The following KDM8 variants were observed in gnomAD, a reference collection of about 807,000 sequenced individuals.
KDM8 encodes the protein lysine demethylase 8.
Under a neutral mutation model 46.9 loss-of-function variants are expected in KDM8, and 35 were observed. That is an observed-to-expected ratio of 0.75 (90% confidence interval 0.57 to 0.99). The LOEUF (loss-of-function observed/expected upper bound fraction) is 0.99, where lower values mean the gene tolerates loss of function less well. Among genes scored for constraint, KDM8 ranks in the 50% least tolerant of loss-of-function variants. The pLI is 0.00. For synonymous variants in KDM8, 232 were observed against 227.7 expected, an observed-to-expected ratio of 1.02 and a Z score of -0.17; for missense variants, 475 against 537.0, an observed-to-expected ratio of 0.88 and a Z score of 1.14.
At chr16:27,217,261 A>G (rs2083565741) in intron 5 of KDM8, among the ~76,000 whole-genome samples, 1 of 151,924 alleles carries the variant, frequency 6.6e-6, no homozygotes, top group Non-Finnish European at 1.5e-5. Flanking sequence ...TCTCCCAGGG[A>G]CCCCGTGTTC....
At chr16:27,208,754 A>G (rs1251817230) in intron 1 of KDM8, among the ~76,000 whole-genome samples, 1 of 152,226 alleles carries the variant, frequency 6.6e-6, no homozygotes, top group African/African-American at 2.4e-5. Context: ...GGCCTAGTGG[A>G]TAAGTCCATG....
intron 6 of KDM8, among the ~76,000 whole-genome samples, chr16:27,220,154 G>A (rs1271701021): frequency 2.0e-5 from 3 of 152,156 alleles, no homozygotes; most frequent in East Asian, 1.9e-4. Context: ...CCAGGAGGTC[G>A]AGACTGCAGT....
At chr16:27,214,823 C>T in intron 3 of KDM8, 53 bp from the exon 4 acceptor site, 1 of 1,605,998 alleles carries the variant, frequency 6.2e-7, no homozygotes, top group East Asian at 2.2e-5. Flanking sequence ...ACACTTAGTA[C>T]TATGCCCAAC....
intron 1 of KDM8, among the ~76,000 whole-genome samples, chr16:27,204,608 T>C (rs2083409917): frequency 6.6e-6 from 1 of 152,222 alleles, no homozygotes; most frequent in Non-Finnish European, 1.5e-5. Context: ...ATGACCAGCA[T>C]GGTGCTTGCA....
chr16:27,221,426 G>A lies in KDM8; in HGVS notation c.*696G>A, dbSNP rs1473235442. On this transcript the variant is annotated 3_prime_UTR_variant, in exon 8 of 8. Transcript: ENST00000286096. ...AGTGGGAGCTTTCTGTCATCCCCAT[G>A]GCTCAAGGATAACCTACCTGCCTGC... is the stretch of plus-strand genomic sequence containing the variant. 6.3e-6 allele frequency: 1 copy of A among 157,980 alleles called. No individual in the cohort carries two copies. The highest frequency in any genetic ancestry group is 1.4e-5 in the Non-Finnish European group (1 of 71,252). 9.8% of individuals were successfully genotyped at this position (157,980 alleles called of 1,614,324 possible). A position where few individuals can be genotyped will look rare whatever the true frequency, so the allele number is the denominator to read the frequency against.
intron 1 of KDM8, chr16:27,204,069 C>T (rs771067806): frequency 6.5e-7 from 1 of 1,545,614 alleles, no homozygotes; most frequent in East Asian, 2.5e-5. Flanking sequence ...AGGCTGGAAA[C>T]GATTCCGCCG....
chr16:27,219,091 A>G lies in KDM8; in HGVS notation c.974A>G (p.Gln325Arg), dbSNP rs2083588312. The G allele has an allele frequency of 2.5e-6, 4 of 1,612,266 alleles. No homozygotes were observed. In the East Asian group the frequency reaches 6.7e-5, roughly 27 times the overall value. ...GTISPLHQDP[Q>R]QNFLVQVMGR... ...ATCTCCCCACTACATCAGGATCCCC[A>G]GCAAAACTTCCTAGTGCAGGTTGGA... The change falls in exon 6 of 8, where the codon CAG (glutamine) becomes CGG (arginine). Residue 325 changes from glutamine (Q) to arginine (R), a missense_variant. Physicochemically the swap from Gln to Arg is conservative, Grantham distance 43. Coordinates refer to ENST00000286096, the MANE Select transcript of KDM8 (RefSeq NM_024773.3).
intron 1 of KDM8, chr16:27,204,080 T>C: frequency 6.5e-7 from 1 of 1,547,602 alleles, no homozygotes; most frequent in Non-Finnish European, 8.7e-7. Flanking sequence ...GATTCCGCCG[T>C]CAGGTCCCAA....
chr16:27,210,183 G>A lies in KDM8; in HGVS notation c.60G>A (p.Glu20=), dbSNP rs2083467317. 6.2e-7 allele frequency: 1 copy of A among 1,613,444 alleles called. No homozygotes were observed. The highest frequency in any genetic ancestry group is 8.5e-7 in the Non-Finnish European group (1 of 1,180,032). The change falls in exon 2 of 8, where the codon GAG becomes GAA. Residue 20 remains glutamate, a synonymous_variant. Transcript: ENST00000286096. ...TGGCCAGAGAAGGCACTTTATGGGA[G>A]GCCCTCAGGGCGCTCCTGCCGCACA... ...EPLAREGTLW[E]ALRALLPHSK...
At chr16:27,210,758 T>C in intron 2 of KDM8, 137 bp downstream of exon 2, 1 of 880,792 alleles carries the variant, frequency 1.1e-6, no homozygotes, top group Non-Finnish European at 1.6e-6. Context: ...TTGCCATTGA[T>C]TTTGGATTTC....
chr16:27,204,527 T>A, intron 1 of KDM8: 1 of 244,966 alleles, frequency 4.1e-6, no homozygotes, highest in Non-Finnish European at 7.4e-6. Flanking sequence ...ATTAGAGAAC[T>A]GGACCGCCTG....
Position 27,221,040 on chromosome 16 carries a change from G to C in KDM8, c.*310G>C, listed in dbSNP as rs1022004455. The C allele has an allele frequency of 2.4e-6, 1 of 421,390 alleles. No homozygotes were observed. Among genetic ancestry groups the C allele is most frequent in the South Asian group, 2.1e-5 (1 of 48,504 alleles). The allele number at this position is 421,390 out of a possible 1,614,324, so 26.1% of individuals were successfully genotyped here. A position where few individuals can be genotyped will look rare whatever the true frequency, so the allele number is the denominator to read the frequency against. On this transcript the variant is annotated 3_prime_UTR_variant, in exon 8 of 8. Transcript: ENST00000286096. ...AGAAAGCCGAATGTTTTTGGGAAAC[G>C]GGTGGGTCACACAGGCAGGGGTGAA...
chr16:27,204,266 T>C, intron 1 of KDM8: 1 of 1,402,854 alleles, frequency 7.1e-7, no homozygotes, highest in African/African-American at 1.5e-5. Flanking sequence ...CATCGGTGCG[T>C]TTCCCGGCAA....
chr16:27,205,869 C>A (rs2083423979), intron 1 of KDM8, among the ~76,000 whole-genome samples: 1 of 152,166 alleles, frequency 6.6e-6, no homozygotes, highest in Admixed American at 6.5e-5. Flanking sequence ...CTTCTGTGAT[C>A]AACAAGAGGT....
rs375211992 is a variant in KDM8 at position 27,220,765 on chromosome 16, C to T, written c.*35C>T. 3 of 1,608,746 alleles carry T rather than the reference C, an allele frequency of 1.9e-6. No individual in the cohort carries two copies. Among genetic ancestry groups the T allele is most frequent in the Middle Eastern group, 1.6e-4 (1 of 6,070 alleles). Reference sequence around the variant, plus strand: ...GAGCTGAAAGGGCCTGACATGCAGACAGCATTCATCTGTTCACTAATTTCC... The same window carrying T: ...GAGCTGAAAGGGCCTGACATGCAGATAGCATTCATCTGTTCACTAATTTCC... On this transcript the variant is annotated 3_prime_UTR_variant, in exon 8 of 8. Coordinates refer to ENST00000286096, the MANE Select transcript of KDM8 (RefSeq NM_024773.3).
At chr16:27,206,986 T>A (rs996229653) in intron 1 of KDM8, among the ~76,000 whole-genome samples, 2 of 152,232 alleles carry the variant, frequency 1.3e-5, no homozygotes, top group Non-Finnish European at 2.9e-5. Context: ...GCGGGGTAGA[T>A]GGACACAACA....
intron 2 of KDM8, chr16:27,211,461 T>A (rs1345574430): frequency 3.7e-6 from 1 of 271,446 alleles, no homozygotes; most frequent in East Asian, 9.3e-5. Flanking sequence ...AGGCTTCAGG[T>A]CCTGGTGCCA....
Position 27,220,602 on chromosome 16 carries a change from A to G in KDM8, c.1123A>G (p.Lys375Glu). 1 of 1,614,040 alleles carries G rather than the reference A, an allele frequency of 6.2e-7. No individual in the cohort carries two copies. The highest frequency in any genetic ancestry group is 8.5e-7 in the Non-Finnish European group (1 of 1,180,014). The change falls in exon 8 of 8, where the codon AAG becomes GAG. Residue 375 changes from lysine to glutamate, a missense_variant. Physicochemically the swap from Lys to Glu is moderately conservative, Grantham distance 56 (BLOSUM62 1). Coordinates refer to ENST00000286096, the MANE Select transcript of KDM8 (RefSeq NM_024773.3). Reference sequence around the variant, plus strand: ...GAATCCCGACCTGGAAAAGTTCCCCAAGTTTGCCAAGGCCCCATTCCTGTC... The same window carrying G: ...GAATCCCGACCTGGAAAAGTTCCCCGAGTTTGCCAAGGCCCCATTCCTGTC... ...VENPDLEKFP[K>E]FAKAPFLSCI...
intron 1 of KDM8, among the ~76,000 whole-genome samples, chr16:27,207,522 A>G (rs2083439906): frequency 6.6e-6 from 1 of 152,258 alleles, no homozygotes; most frequent in African/African-American, 2.4e-5. Context: ...ACAAGGCAGA[A>G]GACTGATGCG....
Sources: allele counts gnomAD v4.1 joint callset (sites outside exome capture counted in the v4.1 genomes callset), GRCh38; gene constraint gnomAD v4.1.1; transcripts MANE v1.5; gene names NCBI Gene and HGNC (gene_info 2026-07-23, HGNC 2026-07-21).